The following CERS5 variants were observed in gnomAD, a reference collection of about 807,000 sequenced individuals.
CERS5 encodes the protein LAG1 homolog, ceramide synthase 5.
CERS5 carries 37 observed loss-of-function variants against 58.9 expected under a neutral mutation model. The observed-to-expected ratio is 0.63, with a 90% confidence interval of 0.48 to 0.83. The LOEUF is 0.83. Ranked by LOEUF, CERS5 falls within the 40% of genes least tolerant of loss-of-function variation. The pLI is 0.00. For synonymous variants in CERS5, 147 were observed against 177.8 expected, an observed-to-expected ratio of 0.83 and a Z score of 1.38; for missense variants, 398 against 489.3, an observed-to-expected ratio of 0.81 and a Z score of 1.76.
At chr12:50,150,154 G>A (rs886089739) in intron 1 of CERS5, among the ~76,000 whole-genome samples, 3 of 152,196 alleles carry the variant, frequency 2.0e-5, no homozygotes, top group African/African-American at 7.2e-5. Context: ...AAGAACAGGA[G>A]TTTAAGACCA....
intron 1 of CERS5, among the ~76,000 whole-genome samples, chr12:50,146,846 C>CAAAAAAA (rs10714679): frequency 9.5e-6 from 1 of 105,014 alleles, no homozygotes; most frequent in Non-Finnish European, 1.9e-5. Context: ...GACTCCGTCT[C>CAAAAAAA]AAAAAAAAAA....
At chr12:50,161,309 T>G (rs962052470) in intron 1 of CERS5, among the ~76,000 whole-genome samples, 38 of 152,176 alleles carry the variant, frequency 2.5e-4, no homozygotes, top group African/African-American at 9.2e-4. Context: ...ATATGGAAAC[T>G]TAAAAAATAT....
In CERS5 at chr12:50,135,999, A is replaced by G; in HGVS notation, c.707T>C (p.Met236Thr). 1.3e-6 allele frequency: 2 copies of G among 1,521,046 alleles called. No individual in the cohort carries two copies. The highest frequency in any genetic ancestry group is 2.3e-5 in the Admixed American group (1 of 44,040). 94.2% of individuals were successfully genotyped at this position (1,521,046 alleles called of 1,614,324 possible). ...GLISFSYINN[M>T]VRVGTLIMCL... Reference sequence around the variant, plus strand: ...CATGATCAGAGTTCCCACTCGAACCATATTGTTGATGTAGGAGAAGGAGAT... The same window carrying G: ...CATGATCAGAGTTCCCACTCGAACCGTATTGTTGATGTAGGAGAAGGAGAT... Residue 236 changes from methionine to threonine, a missense_variant, in exon 7 of 10, where the codon ATG (methionine) becomes ACG (threonine). By Grantham distance (81) the Met-to-Thr change is moderately conservative (BLOSUM62 -1). This residue lies in a region of CERS5 where 328 missense variants were observed against 384.5 expected (regional missense o/e 0.85). Transcript: ENST00000317551.
chr12:50,145,325 T>C (rs1338016230), intron 1 of CERS5, among the ~76,000 whole-genome samples: 1 of 151,940 alleles, frequency 6.6e-6, no homozygotes, highest in Non-Finnish European at 1.5e-5. Flanking sequence ...GATCTCACTC[T>C]CCCCCGTAAT....
chr12:50,160,314 AAAAAGAAAAAAAAAAG>A (rs1281168611), intron 1 of CERS5, among the ~76,000 whole-genome samples: 1 of 151,668 alleles, frequency 6.6e-6, no homozygotes, highest in South Asian at 2.1e-4. Context: ...CAAAAAAAAA[AAAAAGAAAAAAAAAAG>A]AAAAGAAAAA....
At chr12:50,152,623 C>T (rs994786680) in intron 1 of CERS5, among the ~76,000 whole-genome samples, 3 of 152,084 alleles carry the variant, frequency 2.0e-5, no homozygotes, top group Non-Finnish European at 2.9e-5. Context: ...ACTTCTGATG[C>T]ATACCAAAGT....
chr12:50,136,127 C>A, intron 6 of CERS5, 58 bp from the exon 7 acceptor site: 2 of 1,410,458 alleles, frequency 1.4e-6, no homozygotes, highest in South Asian at 1.6e-5. Context: ...AAACACCAGC[C>A]AACCCAACGT....
Position 50,143,216 on chromosome 12 carries a change from T to C in CERS5, c.304-12A>G, listed in dbSNP as rs968634513. 2 of 1,613,888 alleles carry C rather than the reference T, an allele frequency of 1.2e-6. No homozygotes were observed. The highest frequency in any genetic ancestry group is 1.7e-6 in the Non-Finnish European group (2 of 1,179,904). On this transcript the variant is annotated splice_polypyrimidine_tract_variant and intron_variant, in intron 2 of 9. Transcript: ENST00000317551. ...TTCTTATCAGGATACTGTGAATGTATAACCAGAGTCAGAACACCCGTCTCC... is the reference window on the plus strand; with the variant it reads ...TTCTTATCAGGATACTGTGAATGTACAACCAGAGTCAGAACACCCGTCTCC...
chr12:50,162,764 C>T (rs550578598), intron 1 of CERS5, among the ~76,000 whole-genome samples: 1 of 152,026 alleles, frequency 6.6e-6, no homozygotes, highest in South Asian at 2.1e-4. Context: ...CCATCACGCC[C>T]AGCTAATTTT....
chr12:50,145,679 A>C (rs899547106), intron 1 of CERS5, among the ~76,000 whole-genome samples: 1 of 152,154 alleles, frequency 6.6e-6, no homozygotes, highest in African/African-American at 2.4e-5. Context: ...GGAAAAAAAA[A>C]ATAGTTCCAT....
chr12:50,146,761 G>A (rs1426833558), intron 1 of CERS5, among the ~76,000 whole-genome samples: 1 of 150,884 alleles, frequency 6.6e-6, no homozygotes, highest in Admixed American at 6.6e-5. Flanking sequence ...GCGGGAGAAT[G>A]GCATGAACCC....
intron 9 of CERS5, chr12:50,133,515 T>TA: frequency 2.0e-6 from 2 of 989,276 alleles, no homozygotes; most frequent in Admixed American, 5.9e-5. Flanking sequence ...TGTGGTGGCT[T>TA]GTGAACTACC....
At chr12:50,140,459 AT>A (rs1951913143) in intron 4 of CERS5, among the ~76,000 whole-genome samples, 1 of 151,488 alleles carries the variant, frequency 6.6e-6, no homozygotes, top group African/African-American at 2.4e-5. Flanking sequence ...AATTTTTTGT[AT>A]TTTTAGTAGA....
intron 9 of CERS5, chr12:50,133,426 G>GCGGGGTGT (rs1951445864): frequency 1.1e-5 from 11 of 1,007,186 alleles, no homozygotes; most frequent in Non-Finnish European, 1.3e-5. Flanking sequence ...TAGGACACTT[G>GCGGGGTGT]CCTCATACAC....
chr12:50,132,589 G>A (rs1454463322), intron 9 of CERS5, among the ~76,000 whole-genome samples: 2 of 152,098 alleles, frequency 1.3e-5, no homozygotes, highest in Non-Finnish European at 2.9e-5. Flanking sequence ...CAAGGAGGTG[G>A]GCATTTGCTT....
intron 1 of CERS5, among the ~76,000 whole-genome samples, chr12:50,158,365 C>T (rs569320129): frequency 6.6e-6 from 1 of 152,288 alleles, no homozygotes; most frequent in Admixed American, 6.5e-5. Context: ...ATGGTTTATT[C>T]ACCTTTTAAT....
At chr12:50,132,121 C>T (rs1054805205) in intron 9 of CERS5, among the ~76,000 whole-genome samples, 7 of 146,922 alleles carry the variant, frequency 4.8e-5, no homozygotes, top group African/African-American at 1.5e-4. Context: ...AAAAAAGGGC[C>T]GAGCATGGTG....
At chr12:50,166,833 C>G (rs963348362) in intron 1 of CERS5, among the ~76,000 whole-genome samples, 1 of 152,032 alleles carries the variant, frequency 6.6e-6, no homozygotes, top group South Asian at 2.1e-4. Context: ...GCCTATATGA[C>G]CCCCCCAATC....
At chr12:50,141,712 G>T (rs1951977604) in intron 4 of CERS5, among the ~76,000 whole-genome samples, 1 of 152,094 alleles carries the variant, frequency 6.6e-6, no homozygotes. Flanking sequence ...GCCAAGGCGG[G>T]TGGATCACCT....
Sources: allele counts gnomAD v4.1 joint callset (sites outside exome capture counted in the v4.1 genomes callset), GRCh38; gene constraint gnomAD v4.1.1; regional missense constraint gnomAD v4.1.1; transcripts MANE v1.5; gene names NCBI Gene and HGNC (gene_info 2026-07-23, HGNC 2026-07-21).